The following ANKRD33B variants were observed in gnomAD, a reference collection of about 807,000 sequenced individuals.
The protein encoded by ANKRD33B is ankyrin repeat domain 33B.
A neutral mutation model predicts 21.5 loss-of-function variants in ANKRD33B; 6 were observed. The observed-to-expected ratio is 0.28, with a 90% confidence interval of 0.15 to 0.55. The LOEUF (loss-of-function observed/expected upper bound fraction) is 0.55, where lower values mean the gene tolerates loss of function less well. Ranked by LOEUF, ANKRD33B falls within the 20% of genes least tolerant of loss-of-function variation. The pLI, the probability that ANKRD33B is intolerant of heterozygous loss-of-function variation, is 0.94. For missense variants in ANKRD33B, 698 were observed against 747.2 expected, an observed-to-expected ratio of 0.93 and a Z score of 0.77; for synonymous variants, 347 against 342.4, an observed-to-expected ratio of 1.01 and a Z score of -0.15.
chr5:10,578,711 T>A (rs910676012), intron 1 of ANKRD33B, among the ~76,000 whole-genome samples: 19 of 152,250 alleles, frequency 1.2e-4, no homozygotes, highest in Non-Finnish European at 2.8e-4. Flanking sequence ...TAATCATTTT[T>A]AAATTTTATC....
At position 10,618,308 on chromosome 5, in the gene ANKRD33B, ACCCGCTTCC is replaced by A; in HGVS notation, c.367-22_367-14del. The A allele has an allele frequency of 6.5e-7, 1 of 1,535,936 alleles. No individual in the cohort carries two copies. Among genetic ancestry groups the A allele is most frequent in the Non-Finnish European group, 8.7e-7 (1 of 1,146,838 alleles). On this transcript the variant is annotated splice_polypyrimidine_tract_variant and intron_variant, in intron 1 of 3. Transcript: ENST00000296657. Reference sequence around the variant, plus strand: ...ACCATGCTCCGACTCTGCCCCTCTGACCCGCTTCCCCTCTTCATTTCTAGACCGGCCTTA... The same window carrying A: ...ACCATGCTCCGACTCTGCCCCTCTGACCTCTTCATTTCTAGACCGGCCTTA...
chr5:10,573,639 T>A (rs956240263), intron 1 of ANKRD33B, among the ~76,000 whole-genome samples: 2 of 152,116 alleles, frequency 1.3e-5, no homozygotes, highest in Non-Finnish European at 1.5e-5. Context: ...CCCAGGAAAC[T>A]TACAATCATG....
chr5:10,566,203 G>C (rs529498254), intron 1 of ANKRD33B, among the ~76,000 whole-genome samples: 8 of 152,308 alleles, frequency 5.3e-5, no homozygotes, highest in African/African-American at 1.9e-4. Flanking sequence ...TGAGACCTGA[G>C]GTGGCGTCCC....
At chr5:10,625,053 C>G in intron 2 of ANKRD33B, 1 of 305,264 alleles carries the variant, frequency 3.3e-6, no homozygotes, top group Non-Finnish European at 6.5e-6. Flanking sequence ...GTCACAGACC[C>G]CACGAGAGAT....
chr5:10,640,025 TGTTAGCGGGTGACGTGGAGTTGCAC>T lies in ANKRD33B; in HGVS notation c.637+1859_637+1883del, dbSNP rs1212528050. On this transcript the variant is annotated intron_variant, in intron 3 of 3. Transcript: ENST00000296657. The stretch of plus-strand genomic sequence containing the variant: ...CGGGTGACGTGGAGTTGCGCGGCGA[TGTTAGCGGGTGACGTGGAGTTGCAC>T]GGTGATGTTAGGCGGTGACGTGGAG... Among the ~76,000 whole-genome samples, 134 of 88,920 alleles carry T rather than the reference TGTTAGCGGGTGACGTGGAGTTGCAC, an allele frequency of 1.5e-3. 3 individuals are homozygous for T. The highest frequency in any genetic ancestry group is 0.011 in the Admixed American group (101 of 8,904). 58.3% of individuals were successfully genotyped at this position (88,920 alleles called of 152,430 possible). A position where few individuals can be genotyped will look rare whatever the true frequency, so the allele number is the denominator to read the frequency against.
rs75657959 is a variant in ANKRD33B, at chr5:10,585,949, C to T, written c.366+21116C>T. On this transcript the variant is annotated intron_variant, in intron 1 of 3. Coordinates refer to ENST00000296657, the MANE Select transcript of ANKRD33B (RefSeq NM_001164440.2). ...GATGGCTTCCCTGTGCCAGGCTTTC[C>T]GCAGGAGACTGGAGGCCAAGACAAG... 8.0e-3 allele frequency among the ~76,000 whole-genome samples: 1,212 copies of T among 152,236 alleles called. 19 individuals carry two copies. Among genetic ancestry groups the T allele is most frequent in the African/African-American group, 0.027 (1,133 of 41,538 alleles).
intron 1 of ANKRD33B, among the ~76,000 whole-genome samples, chr5:10,600,416 G>A (rs773443826): frequency 1.4e-4 from 21 of 152,160 alleles, no homozygotes; most frequent in South Asian, 4.1e-4. Flanking sequence ...ATCCAGCAGC[G>A]TGCACTTTTT....
intron 3 of ANKRD33B, among the ~76,000 whole-genome samples, chr5:10,644,533 C>T (rs567723429): frequency 6.6e-6 from 1 of 152,282 alleles, no homozygotes; most frequent in East Asian, 1.9e-4. Context: ...GCAATAACCT[C>T]AAATCTTCCT....
Position 10,564,551 on chromosome 5 carries a change from G to C in ANKRD33B, c.84G>C (p.Ala28=). The C allele has an allele frequency of 6.5e-7, 1 of 1,533,592 alleles. No individual in the cohort carries two copies. Among genetic ancestry groups the C allele is most frequent in the Non-Finnish European group, 8.7e-7 (1 of 1,146,294 alleles). The allele number at this position is 1,533,592 out of a possible 1,614,324, so 95.0% of individuals were successfully genotyped here. Reference sequence around the variant, plus strand: ...CACCGCCGTCCCCACCCCGGGGCGCGCAGGTCGAGGAGGACCCCGCTGACT... The same window carrying C: ...CACCGCCGTCCCCACCCCGGGGCGCCCAGGTCGAGGAGGACCCCGCTGACT... ...TPPPPSPPRG[A]QVEEDPADYE... is the part of the protein sequence containing the mutation. The change falls in exon 1 of 4, where the codon GCG becomes GCC. Residue 28 remains alanine, a synonymous_variant. Coordinates refer to ENST00000296657, the MANE Select transcript of ANKRD33B (RefSeq NM_001164440.2).
chr5:10,644,694 C>A (rs56387146), intron 3 of ANKRD33B, among the ~76,000 whole-genome samples: 63,866 of 152,100 alleles, frequency 0.42, 13,687 homozygotes, highest in Middle Eastern at 0.56. Flanking sequence ...ATAGAGGTTT[C>A]TTTCTGTTTA....
At chr5:10,570,423 A>G (rs1338943090) in intron 1 of ANKRD33B, among the ~76,000 whole-genome samples, 1 of 152,170 alleles carries the variant, frequency 6.6e-6, no homozygotes, top group Non-Finnish European at 1.5e-5. Flanking sequence ...CTCATCCTTC[A>G]GCAGGCTGTC....
intron 1 of ANKRD33B, among the ~76,000 whole-genome samples, chr5:10,585,045 T>G (rs1334570238): frequency 6.6e-6 from 1 of 152,098 alleles, no homozygotes; most frequent in Admixed American, 6.5e-5. Context: ...CAGAGCACCA[T>G]GGGGAGAGGG....
intron 1 of ANKRD33B, among the ~76,000 whole-genome samples, chr5:10,610,861 G>A (rs755845071): frequency 1.3e-5 from 2 of 152,150 alleles, no homozygotes; most frequent in African/African-American, 2.4e-5. Context: ...CTTGGCCAAC[G>A]TGGCGAAACC....
intron 1 of ANKRD33B, among the ~76,000 whole-genome samples, chr5:10,572,228 A>G (rs1366228377): frequency 3.3e-5 from 5 of 152,094 alleles, no homozygotes; most frequent in African/African-American, 4.8e-5. Flanking sequence ...AGTCATTTCA[A>G]TGTGCAGCCA....
At chr5:10,585,102 G>A (rs1461169538) in intron 1 of ANKRD33B, among the ~76,000 whole-genome samples, 1 of 152,202 alleles carries the variant, frequency 6.6e-6, no homozygotes, top group Non-Finnish European at 1.5e-5. Context: ...ACAAAGGGAA[G>A]GACAGACTTG....
Position 10,654,381 on chromosome 5 carries a change from C to T in ANKRD33B, c.*4268C>T, listed in dbSNP as rs1178857890. The T allele has an allele frequency of 6.6e-6, 1 of 152,368 alleles. No individual in the cohort carries two copies. The highest frequency in any genetic ancestry group is 1.5e-5 in the Non-Finnish European group (1 of 68,042). The allele number at this position is 152,368 out of a possible 1,614,324, so 9.4% of individuals were successfully genotyped here. On this transcript the variant is annotated 3_prime_UTR_variant, in exon 4 of 4. Coordinates refer to ENST00000296657, the MANE Select transcript of ANKRD33B (RefSeq NM_001164440.2). Reference sequence around the variant, plus strand: ...TTTATTAACTGTAGATAGTGAATTTCAAGTTGACAGGTACCTTCTCAGGGA... The same window carrying T: ...TTTATTAACTGTAGATAGTGAATTTTAAGTTGACAGGTACCTTCTCAGGGA...
intron 3 of ANKRD33B, among the ~76,000 whole-genome samples, chr5:10,640,246 T>C (rs907455167): frequency 3.3e-5 from 5 of 152,172 alleles, no homozygotes; most frequent in Admixed American, 2.6e-4. Context: ...TGCTGTGTCA[T>C]AGAGTGGAAA....
Position 10,649,774 on chromosome 5 carries a change from C to A in ANKRD33B, c.1146C>A (p.Ser382=). ...AGGACGCGGACTCCCGGGAGGGCTC[C>A]CCGAGAGCCGGCCTCCCTCCCGCCC... The part of the protein sequence containing the change: ...GQEDADSREG[S]PRAGLPPALG... The change falls in exon 4 of 4, where the codon TCC becomes TCA. Residue 382 remains serine (S), a synonymous_variant. Transcript: ENST00000296657. 2 of 1,401,998 alleles carry A rather than the reference C, an allele frequency of 1.4e-6. No homozygotes were observed. Among genetic ancestry groups the A allele is most frequent in the Non-Finnish European group, 1.8e-6 (2 of 1,084,626 alleles). The allele number at this position is 1,401,998 out of a possible 1,614,324, so 86.8% of individuals were successfully genotyped here.
At chr5:10,618,129 C>T (rs2126582045) in intron 1 of ANKRD33B, among the ~76,000 whole-genome samples, 1 of 152,350 alleles carries the variant, frequency 6.6e-6, no homozygotes, top group African/African-American at 2.4e-5. Flanking sequence ...TCTAGGCCCT[C>T]ACTCGAGTCA....
Sources: gnomAD v4.1 joint callset for allele counts (sites outside exome capture counted in the v4.1 genomes callset) on GRCh38, gnomAD v4.1.1 for gene constraint, MANE v1.5 for transcripts, NCBI Gene and HGNC (gene_info 2026-07-23, HGNC 2026-07-21) for gene names.